B3GALT1: variants seen among roughly 807,000 people sequenced by gnomAD.
B3GALT1 encodes beta-1,3-galactosyltransferase 1.
B3GALT1 carries 10 observed loss-of-function variants against 23.2 expected under a neutral mutation model. The observed-to-expected ratio is 0.43, with a 90% CI of 0.27 to 0.73. The LOEUF is 0.73. Among genes scored for constraint, B3GALT1 ranks in the 30% least tolerant of loss-of-function variants. The pLI, the probability that B3GALT1 is intolerant of heterozygous loss-of-function variation, is 0.21. For synonymous variants in B3GALT1, 156 were observed against 141.5 expected (o/e 1.10, Z -0.73); for missense variants, 299 against 405.4 (o/e 0.74, Z 2.25).
intron 2 of B3GALT1, among the ~76,000 whole-genome samples, chr2:167,573,740 A>T (rs554703923): frequency 6.6e-6 from 1 of 151,720 alleles, no homozygotes; most frequent in Admixed American, 6.6e-5. Context: ...TTACACAAAG[A>T]ATAGGCTACA....
intron 3 of B3GALT1, among the ~76,000 whole-genome samples, chr2:167,671,126 T>C (rs142741615): frequency 1.3e-5 from 2 of 152,298 alleles, no homozygotes; most frequent in Non-Finnish European, 2.9e-5. Flanking sequence ...GTAACAATTA[T>C]ATATGCACCC....
intron 4 of B3GALT1, among the ~76,000 whole-genome samples, chr2:167,831,145 G>A (rs1463772983): frequency 6.6e-6 from 1 of 152,152 alleles, no homozygotes; most frequent in East Asian, 1.9e-4. Flanking sequence ...TTATTCACGG[G>A]AACCTTCCCA....
intron 3 of B3GALT1, among the ~76,000 whole-genome samples, chr2:167,654,886 C>A (rs375825623): frequency 6.6e-6 from 1 of 151,800 alleles, no homozygotes; most frequent in African/African-American, 2.4e-5. Context: ...CCCTCTCCCC[C>A]AGGTAACTAC....
rs1558948483 is a variant in B3GALT1 at position 167,684,957 on chromosome 2, C to CCACAGGGGCATAAACAACATCAACCACA, written c.-352+37991_-352+37992insCACAGGGGCATAAACAACATCAACCACA. Among the ~76,000 whole-genome samples, 14 of 152,116 alleles carry CCACAGGGGCATAAACAACATCAACCACA rather than the reference C, an allele frequency of 9.2e-5. No individual in the cohort carries two copies. In the East Asian group the frequency reaches 2.7e-3, roughly 29 times the overall value. ...TAGGGGCATAAACAACATCAACCAC[C>CCACAGGGGCATAAACAACATCAACCACA]ACCACTTAAATCTGAAAATGAGTCC... On this transcript the variant is annotated intron_variant, in intron 3 of 4. Transcript: ENST00000392690.
intron 1 of B3GALT1, among the ~76,000 whole-genome samples, chr2:167,388,848 A>G: frequency 6.6e-6 from 1 of 152,184 alleles, no homozygotes; most frequent in Non-Finnish European, 1.5e-5. Context: ...CAATTCTTCC[A>G]CAAGAACCAA....
Position 167,699,879 on chromosome 2 carries a change from A to G in B3GALT1, c.-352+52913A>G, listed in dbSNP as rs147627119. Among the ~76,000 whole-genome samples the G allele has an allele frequency of 7.8e-3, 1,181 of 152,146 alleles. 19 individuals carry two copies. Among genetic ancestry groups the G allele is most frequent in the African/African-American group, 0.027 (1,115 of 41,522 alleles). On this transcript the variant is annotated intron_variant, in intron 3 of 4. Coordinates refer to ENST00000392690, the MANE Select transcript of B3GALT1 (RefSeq NM_020981.4). ...AGGCACCCGCCACCATACCTGGCTAATTTTTGCATTTTTAGTGGAGACGGG... is the reference window on the plus strand; with the variant it reads ...AGGCACCCGCCACCATACCTGGCTAGTTTTTGCATTTTTAGTGGAGACGGG...
intron 3 of B3GALT1, among the ~76,000 whole-genome samples, chr2:167,721,250 T>A (rs945047642): frequency 5.3e-5 from 8 of 152,344 alleles, no homozygotes; most frequent in African/African-American, 1.7e-4. Context: ...TGGTATCTGA[T>A]CAGAGCTTCT....
intron 1 of B3GALT1, among the ~76,000 whole-genome samples, chr2:167,367,109 G>A (rs917896753): frequency 1.3e-5 from 2 of 152,122 alleles, no homozygotes; most frequent in Non-Finnish European, 2.9e-5. Flanking sequence ...ATCACACTGA[G>A]TTTAGAATAT....
chr2:167,437,725 CT>C (rs1292197754), intron 1 of B3GALT1, among the ~76,000 whole-genome samples: 2 of 152,158 alleles, frequency 1.3e-5, no homozygotes, highest in African/African-American at 2.4e-5. Flanking sequence ...CATATTTTTT[CT>C]AGTGTCACAT....
intron 3 of B3GALT1, among the ~76,000 whole-genome samples, chr2:167,676,766 G>C (rs1474729654): frequency 1.3e-5 from 2 of 152,010 alleles, no homozygotes; most frequent in Non-Finnish European, 2.9e-5. Context: ...CGAACTCCTG[G>C]CCTCAAGTGA....
chr2:167,735,791 T>C (rs1332783887), intron 3 of B3GALT1, among the ~76,000 whole-genome samples: 2 of 152,148 alleles, frequency 1.3e-5, no homozygotes, highest in Admixed American at 6.6e-5. Flanking sequence ...AAAATAAACA[T>C]TTTTAAAAGA....
intron 3 of B3GALT1, among the ~76,000 whole-genome samples, chr2:167,682,388 T>A (rs542764986): frequency 6.6e-6 from 1 of 152,248 alleles, no homozygotes; most frequent in African/African-American, 2.4e-5. Context: ...TAATTTCTGC[T>A]GCCATGTTAT....
At chr2:167,715,537 T>C (rs920339722) in intron 3 of B3GALT1, 7 of 1,613,598 alleles carry the variant, frequency 4.3e-6, no homozygotes, top group Non-Finnish European at 5.1e-6. Flanking sequence ...ACTCATCTTC[T>C]AGAGATTGTA....
chr2:167,759,482 A>T (rs1229634282), intron 3 of B3GALT1, among the ~76,000 whole-genome samples: 2 of 152,260 alleles, frequency 1.3e-5, no homozygotes, highest in Non-Finnish European at 2.9e-5. Context: ...TGGAGCACAG[A>T]GAGATCTTAC....
intron 1 of B3GALT1, among the ~76,000 whole-genome samples, chr2:167,322,560 A>G (rs1696830175): frequency 6.6e-6 from 1 of 152,018 alleles, no homozygotes; most frequent in South Asian, 2.1e-4. Flanking sequence ...TTTGAACGAC[A>G]TTTAGTAAAA....
chr2:167,572,885 A>G (rs1194462017), intron 2 of B3GALT1, among the ~76,000 whole-genome samples: 1 of 151,752 alleles, frequency 6.6e-6, no homozygotes, highest in Admixed American at 6.6e-5. Context: ...GCGGGAAAAA[A>G]ATATTGCTAG....
In B3GALT1 at chr2:167,784,661, A is replaced by G. The variant is rs575076406; in HGVS notation, c.-351-34011A>G. On this transcript the variant is annotated intron_variant, in intron 3 of 4. Coordinates refer to ENST00000392690, the MANE Select transcript of B3GALT1 (RefSeq NM_020981.4). Reference sequence around the variant, plus strand: ...TTATTAAGCAAACTTTAGAACTTTAATATGGTAATAAAGTCTGTGGCAATG... The same window carrying G: ...TTATTAAGCAAACTTTAGAACTTTAGTATGGTAATAAAGTCTGTGGCAATG... Among the ~76,000 whole-genome samples the G allele has an allele frequency of 2.0e-5, 3 of 152,340 alleles. No individual in the cohort carries two copies. In the South Asian group the frequency reaches 6.2e-4, roughly 32 times the overall value.
intron 1 of B3GALT1, among the ~76,000 whole-genome samples, chr2:167,387,522 G>A (rs1353274504): frequency 6.6e-6 from 1 of 152,166 alleles, no homozygotes; most frequent in African/African-American, 2.4e-5. Flanking sequence ...AAAGGGAAAT[G>A]ATGGTAAAGA....
At position 167,697,325 on chromosome 2, in the gene B3GALT1, G is replaced by A. The variant is rs149564989; in HGVS notation, c.-352+50359G>A. 4.7e-4 allele frequency among the ~76,000 whole-genome samples: 72 copies of A among 152,310 alleles called. 2 individuals carry two copies. Among genetic ancestry groups the A allele is most frequent in the Non-Finnish European group, 7.5e-4 (51 of 68,024 alleles). ...CCATGCCATGAATGCCCATGCAATT[G>A]TGAAGGACCAGTTCCTTTCATCCTA... On this transcript the variant is annotated intron_variant, in intron 3 of 4. Coordinates refer to ENST00000392690, the MANE Select transcript of B3GALT1 (RefSeq NM_020981.4).
Sources: gnomAD v4.1 joint callset for allele counts (sites outside exome capture counted in the v4.1 genomes callset) on GRCh38, gnomAD v4.1.1 for gene constraint, MANE v1.5 for transcripts, NCBI Gene and HGNC (gene_info 2026-07-23, HGNC 2026-07-21) for gene names.